MOCS2: variants seen among roughly 807,000 people sequenced by gnomAD.
MOCS2 encodes the protein molybdenum cofactor synthesis 2.
MOCS2 carries 13 observed loss-of-function variants against 21.9 expected under a neutral mutation model. The observed-to-expected ratio is 0.59, with a 90% confidence interval of 0.39 to 0.94. The LOEUF is 0.94. MOCS2 is among the 40% of genes least tolerant of loss of function. MOCS2 has a pLI of 0.00. For synonymous variants in MOCS2, 92 were observed against 80.8 expected (o/e 1.14, Z -0.74); for missense variants, 227 against 218.3 (o/e 1.04, Z -0.25).
At chr5:53,102,420 C>G (rs990913806) in intron 3 of MOCS2, among the ~76,000 whole-genome samples, 196 bp from the exon 4 acceptor site, 1 of 152,036 alleles carries the variant, frequency 6.6e-6, no homozygotes. Flanking sequence ...TTGGGGAGTT[C>G]CTTTGGGGAG....
chr5:53,096,511 T>C lies in MOCS2; in HGVS notation c.*2091A>G, dbSNP rs1290828268. ...AGGCTAATTATTTTTTTTAGATTACTCTTCTAGTTACTTGAAGCTAAGTTA... is the reference window on the plus strand; with the variant it reads ...AGGCTAATTATTTTTTTTAGATTACCCTTCTAGTTACTTGAAGCTAAGTTA... On this transcript the variant is annotated 3_prime_UTR_variant, in exon 7 of 7. Transcript: ENST00000396954. 6.6e-6 allele frequency: 1 copy of C among 151,818 alleles called. No individual in the cohort carries two copies. Among genetic ancestry groups the C allele is most frequent in the Non-Finnish European group, 1.5e-5 (1 of 68,034 alleles). 9.4% of individuals were successfully genotyped at this position (151,818 alleles called of 1,614,324 possible).
At position 53,097,707 on chromosome 5, in the gene MOCS2, G is replaced by A. The variant is rs1181156343; in HGVS notation, c.*895C>T. 6.6e-6 allele frequency: 1 copy of A among 152,006 alleles called. No individual in the cohort carries two copies. The highest frequency in any genetic ancestry group is 1.5e-5 in the Non-Finnish European group (1 of 68,022). The allele number at this position is 152,006 out of a possible 1,614,324, so 9.4% of individuals were successfully genotyped here. A position where few individuals can be genotyped will look rare whatever the true frequency, so the allele number is the denominator to read the frequency against. ...GGTAATCACCTCACAATGTATATGT[G>A]TATCAAAAATCACATTGTATACTTT... On this transcript the variant is annotated 3_prime_UTR_variant, in exon 7 of 7. Coordinates refer to ENST00000396954, the MANE Select transcript of MOCS2 (RefSeq NM_004531.5).
intron 2 of MOCS2, among the ~76,000 whole-genome samples, chr5:53,108,316 C>T (rs1332867432): frequency 1.3e-5 from 2 of 152,132 alleles, no homozygotes; most frequent in African/African-American, 4.8e-5. Flanking sequence ...CTCTGCGGTT[C>T]ACTGTGTTTT....
chr5:53,104,310 A>G (rs1384488152), intron 3 of MOCS2, among the ~76,000 whole-genome samples: 1 of 152,188 alleles, frequency 6.6e-6, no homozygotes, highest in Non-Finnish European at 1.5e-5. Context: ...AGTTCCCACA[A>G]CTTCTGATTT....
Position 53,098,242 on chromosome 5 carries a change from G to A in MOCS2, c.*360C>T, listed in dbSNP as rs1740802315. On this transcript the variant is annotated 3_prime_UTR_variant, in exon 7 of 7. Coordinates refer to ENST00000396954, the MANE Select transcript of MOCS2 (RefSeq NM_004531.5). ...CCGGGATGGGGGGCGGTGAGGTGGG[G>A]TTGGTGGGGGAGTACGTTTCTGAGC... The A allele has an allele frequency of 1.3e-5, 3 of 238,972 alleles. No individual in the cohort carries two copies. Among genetic ancestry groups the A allele is most frequent in the Admixed American group, 1.0e-4 (2 of 19,746 alleles). The allele number at this position is 238,972 out of a possible 1,614,324, so 14.8% of individuals were successfully genotyped here. A position where few individuals can be genotyped will look rare whatever the true frequency, so the allele number is the denominator to read the frequency against.
Position 53,098,594 on chromosome 5 carries a change from A to T in MOCS2, c.*8T>A. 1 of 1,611,070 alleles carries T rather than the reference A, an allele frequency of 6.2e-7. No individual in the cohort carries two copies. Among genetic ancestry groups the T allele is most frequent in the Non-Finnish European group, 8.5e-7 (1 of 1,177,284 alleles). ...AGTTAAGATTGCATGCTCTAAAAAC[A>T]TAAGTGATTAACTGTTGGATGCCCA... On this transcript the variant is annotated 3_prime_UTR_variant, in exon 7 of 7. Coordinates refer to ENST00000396954, the MANE Select transcript of MOCS2 (RefSeq NM_004531.5).
intron 6 of MOCS2, among the ~76,000 whole-genome samples, chr5:53,098,908 T>C (rs1157895770): frequency 1.3e-5 from 2 of 152,204 alleles, no homozygotes; most frequent in Non-Finnish European, 2.9e-5. Context: ...AATATGCTTT[T>C]CCAAAGGCAG....
At chr5:53,107,451 C>T in intron 2 of MOCS2, 1 of 509,502 alleles carries the variant, frequency 2.0e-6, no homozygotes, top group South Asian at 2.4e-5. Context: ...ATGTTGTATG[C>T]CTTGGGGAAT....
At chr5:53,099,843 AG>A (rs1740857256) in intron 6 of MOCS2, among the ~76,000 whole-genome samples, 1 of 152,238 alleles carries the variant, frequency 6.6e-6, no homozygotes, top group Admixed American at 6.5e-5. Flanking sequence ...TTACTACACC[AG>A]GGGAGAAACT....
chr5:53,104,770 T>C (rs965466633), intron 3 of MOCS2, among the ~76,000 whole-genome samples: 2 of 152,200 alleles, frequency 1.3e-5, no homozygotes, highest in Non-Finnish European at 2.9e-5. Flanking sequence ...CTTTCTTTAA[T>C]GGAACCAAGT....
rs933533415 is a variant in MOCS2 at position 53,097,722 on chromosome 5, T to C, written c.*880A>G. 1.3e-5 allele frequency: 2 copies of C among 152,186 alleles called. No individual in the cohort carries two copies. The highest frequency in any genetic ancestry group is 4.8e-5 in the African/African-American group (2 of 41,430). 9.4% of individuals were successfully genotyped at this position (152,186 alleles called of 1,614,324 possible). On this transcript the variant is annotated 3_prime_UTR_variant, in exon 7 of 7. Transcript: ENST00000396954. ...ATGTATATGTGTATCAAAAATCACA[T>C]TGTATACTTTAAATACATACAATTT... is the stretch of plus-strand genomic sequence containing the variant.
rs1003857685 is a variant in MOCS2 at position 53,109,490 on chromosome 5, G to C, written c.-409C>G. The C allele has an allele frequency of 1.3e-5, 17 of 1,328,646 alleles. No homozygotes were observed. Among genetic ancestry groups the C allele is most frequent in the Non-Finnish European group, 1.5e-5 (16 of 1,040,874 alleles). 82.3% of individuals were successfully genotyped at this position (1,328,646 alleles called of 1,614,324 possible). A position where few individuals can be genotyped will look rare whatever the true frequency, so the allele number is the denominator to read the frequency against. ...CTGCCGTGAGCTGACAAGAGTTCTCGGAGAGGACCCGACTTCTGCTGGGGC... is the reference window on the plus strand; with the variant it reads ...CTGCCGTGAGCTGACAAGAGTTCTCCGAGAGGACCCGACTTCTGCTGGGGC... On this transcript the variant is annotated 5_prime_UTR_variant, in exon 1 of 7. Transcript: ENST00000396954.
At chr5:53,100,733 A>G (rs1740887555) in intron 5 of MOCS2, 199 bp from the exon 6 acceptor site, 1 of 571,610 alleles carries the variant, frequency 1.7e-6, no homozygotes, top group Non-Finnish European at 3.1e-6. Flanking sequence ...GGCTGATGCT[A>G]CAGCTAATTT....
intron 6 of MOCS2, 99 bp from the exon 7 acceptor site, chr5:53,098,766 T>C: frequency 1.2e-6 from 1 of 844,210 alleles, no homozygotes; most frequent in Non-Finnish European, 2.0e-6. Context: ...ATCACATCTA[T>C]TTCAATGGCT....
chr5:53,105,677 T>A (rs1741030664), intron 3 of MOCS2, among the ~76,000 whole-genome samples: 2 of 152,230 alleles, frequency 1.3e-5, no homozygotes, highest in Admixed American at 6.5e-5. Context: ...AAAGATTTAA[T>A]GACAAAGAAG....
At position 53,103,516 on chromosome 5, in the gene MOCS2, T is replaced by A. The variant is rs534261843; in HGVS notation, c.99-1292A>T. ...TAACTGAGGAAATAAGGGAATGAAC[T>A]GCACACTTACTTACTAGGTATTGTG... On this transcript the variant is annotated intron_variant, in intron 3 of 6. Coordinates refer to ENST00000396954, the MANE Select transcript of MOCS2 (RefSeq NM_004531.5). Among the ~76,000 whole-genome samples the A allele has an allele frequency of 1.2e-4, 18 of 152,326 alleles. 1 individual carries two copies. The South Asian group carries it at 3.7e-3, about 32-fold the overall frequency.
chr5:53,106,979 A>T, intron 3 of MOCS2, 98 bp downstream of exon 3: 1 of 1,359,390 alleles, frequency 7.4e-7, no homozygotes, highest in Non-Finnish European at 1.0e-6. Context: ...GTACAGACAG[A>T]CTTACAAAGA....
chr5:53,099,041 A>G (rs934145249), intron 6 of MOCS2, among the ~76,000 whole-genome samples: 9 of 152,136 alleles, frequency 5.9e-5, no homozygotes, highest in East Asian at 1.9e-4. Flanking sequence ...ACCCTTCCCT[A>G]TATCACAGAT....
rs917134281 is a variant in MOCS2, at chr5:53,098,328, A to G, written c.*274T>C. ...GTGTGTTGAGTTACAATTAGAAATT[A>G]GTCATGGAAGGACATGTCTACCACA... On this transcript the variant is annotated 3_prime_UTR_variant, in exon 7 of 7. Coordinates refer to ENST00000396954, the MANE Select transcript of MOCS2 (RefSeq NM_004531.5). 6.5e-6 allele frequency: 3 copies of G among 458,974 alleles called. No homozygotes were observed. The South Asian group carries it at 7.4e-5, about 11-fold the overall frequency. The allele number at this position is 458,974 out of a possible 1,614,324, so 28.4% of individuals were successfully genotyped here. A position where few individuals can be genotyped will look rare whatever the true frequency, so the allele number is the denominator to read the frequency against.
Sources: allele counts gnomAD v4.1 joint callset (sites outside exome capture counted in the v4.1 genomes callset), GRCh38; gene constraint gnomAD v4.1.1; transcripts MANE v1.5; gene names NCBI Gene and HGNC (gene_info 2026-07-23, HGNC 2026-07-21).